Variants in LUZP1 observed in about 807,000 individuals in gnomAD.
LUZP1 encodes the protein leucine zipper protein 1.
A neutral mutation model predicts 71.3 loss-of-function variants in LUZP1; 25 were observed. The observed-to-expected ratio is 0.35, with a 90% CI of 0.26 to 0.49. LUZP1 has a LOEUF of 0.49. Ranked by LOEUF, LUZP1 falls within the 20% of genes least tolerant of loss-of-function variation. The pLI is 0.99. For missense variants in LUZP1, 1,142 were observed against 1,300.8 expected (o/e 0.88, Z 1.88); for synonymous variants, 481 against 506.4 (o/e 0.95, Z 0.67).
chr1:23,142,983 A>T (rs1053420768), intron 2 of LUZP1, among the ~76,000 whole-genome samples: 1 of 151,596 alleles, frequency 6.6e-6, no homozygotes, highest in Non-Finnish European at 1.5e-5. Flanking sequence ...AGCCTGGGCT[A>T]CATGGTAAGA....
chr1:23,096,563 A>G (rs1231557671), intron 3 of LUZP1, among the ~76,000 whole-genome samples: 2 of 152,198 alleles, frequency 1.3e-5, no homozygotes, highest in Non-Finnish European at 2.9e-5. Context: ...AATCCTCGTA[A>G]GGATACGGAA....
intron 2 of LUZP1, among the ~76,000 whole-genome samples, chr1:23,157,291 C>T (rs923637573): frequency 6.6e-6 from 1 of 152,192 alleles, no homozygotes; most frequent in African/African-American, 2.4e-5. Context: ...GTGATCATGC[C>T]ACTGGAGTCC....
intron 2 of LUZP1, among the ~76,000 whole-genome samples, chr1:23,118,132 T>C (rs2124659452): frequency 6.6e-6 from 1 of 151,790 alleles, no homozygotes; most frequent in East Asian, 2.0e-4. Context: ...ACAGTCATGG[T>C]GGCTTGCGCC....
intron 2 of LUZP1, among the ~76,000 whole-genome samples, chr1:23,142,788 T>C (rs2776820): frequency 0.013 from 1,890 of 148,256 alleles, 59 homozygotes; most frequent in African/African-American, 0.044. Flanking sequence ...CACCCCTAAC[T>C]CCCACATTGT....
At chr1:23,089,165 C>G in intron 4 of LUZP1, 112 bp from the exon 4 acceptor site, 2 of 927,152 alleles carry the variant, frequency 2.2e-6, no homozygotes, top group Non-Finnish European at 3.4e-6. Context: ...GCAGATATAG[C>G]CCAGACAGGC....
At chr1:23,097,315 C>G (rs540621448) in intron 3 of LUZP1, among the ~76,000 whole-genome samples, 2 of 152,098 alleles carry the variant, frequency 1.3e-5, no homozygotes, top group African/African-American at 4.8e-5. Context: ...TCAGCAGAAA[C>G]TTTTAAGTAG....
chr1:23,155,649 C>T (rs1343349611), intron 2 of LUZP1, among the ~76,000 whole-genome samples: 1 of 152,152 alleles, frequency 6.6e-6, no homozygotes, highest in Non-Finnish European at 1.5e-5. Context: ...TTCAAAATAT[C>T]TGAATTATAA....
chr1:23,174,351 T>A (rs1214301068), intron 1 of LUZP1, among the ~76,000 whole-genome samples: 2 of 152,150 alleles, frequency 1.3e-5, no homozygotes, highest in Non-Finnish European at 2.9e-5. Context: ...CCCTTGTTCT[T>A]TGGGCCCTCA....
At chr1:23,170,118 T>C (rs1162995128) in intron 1 of LUZP1, among the ~76,000 whole-genome samples, 2 of 152,200 alleles carry the variant, frequency 1.3e-5, no homozygotes, top group African/African-American at 4.8e-5. Flanking sequence ...CAATCCTCCC[T>C]GTTCTGAATA....
chr1:23,110,447 T>TACCTAAAG (rs1644018670), intron 2 of LUZP1, among the ~76,000 whole-genome samples: 1 of 152,106 alleles, frequency 6.6e-6, no homozygotes, highest in Non-Finnish European at 1.5e-5. Flanking sequence ...CCTAAAGCTT[T>TACCTAAAG]TGTACATGAT....
intron 2 of LUZP1, among the ~76,000 whole-genome samples, chr1:23,121,057 A>G (rs1644125837): frequency 6.6e-6 from 1 of 152,188 alleles, no homozygotes; most frequent in South Asian, 2.1e-4. Flanking sequence ...CAGCCCAGGG[A>G]GAAAAATCCC....
At chr1:23,106,364 G>C (rs1166025411) in intron 3 of LUZP1, among the ~76,000 whole-genome samples, 1 of 152,106 alleles carries the variant, frequency 6.6e-6, no homozygotes, top group Non-Finnish European at 1.5e-5. Flanking sequence ...GCGCACTTTG[G>C]GAGGCTGAGG....
At chr1:23,164,388 G>A (rs939753499) in intron 2 of LUZP1, among the ~76,000 whole-genome samples, 1 of 151,926 alleles carries the variant, frequency 6.6e-6, no homozygotes. Flanking sequence ...CCAGCTACTC[G>A]GGAGGCTGAG....
rs1395134228 is a variant in LUZP1 at position 23,093,168 on chromosome 1, A to G, written c.1094T>C (p.Leu365Pro). 6.2e-7 allele frequency: 1 copy of G among 1,614,034 alleles called. No homozygotes were observed. The highest frequency in any genetic ancestry group is 1.3e-5 in the African/African-American group (1 of 74,938). ...CCTCTCATGTCTGCCTTTGCTGGAC[A>G]GGAAAGCATCTTCCCCTTCTACCTC... The change falls in exon 4 of 5, where the codon CTG becomes CCG. Residue 365 changes from leucine to proline, a missense_variant. Transcript: ENST00000302291. The surrounding 1 kb of genome is among the most constrained non-coding windows in gnomAD (Gnocchi z 4.2).
exon 5 of LUZP1, chr1:23,085,316 T>C (rs962966194): frequency 2.0e-5 from 3 of 152,596 alleles, no homozygotes; most frequent in African/African-American, 7.2e-5. Flanking sequence ...TACAAAAAAA[T>C]AGACTTTATT....
chr1:23,159,201 C>A (rs1157325581), intron 2 of LUZP1, among the ~76,000 whole-genome samples: 1 of 151,096 alleles, frequency 6.6e-6, no homozygotes, highest in East Asian at 2.0e-4. Flanking sequence ...ATTAGCCAGG[C>A]GTGGTGGCGG....
exon 5 of LUZP1, chr1:23,084,482 T>C (rs1643728484): frequency 6.6e-6 from 1 of 152,138 alleles, no homozygotes; most frequent in African/African-American, 2.4e-5. Context: ...CTGGATCATC[T>C]AGGATGTTCT....
intron 2 of LUZP1, among the ~76,000 whole-genome samples, chr1:23,138,428 T>C (rs1438427766): frequency 6.6e-6 from 1 of 152,186 alleles, no homozygotes; most frequent in Non-Finnish European, 1.5e-5. Context: ...ATTCCATTTA[T>C]ACAAAATGTC....
intron 2 of LUZP1, among the ~76,000 whole-genome samples, chr1:23,160,038 G>A (rs1644452096): frequency 6.6e-6 from 1 of 152,116 alleles, no homozygotes; most frequent in Non-Finnish European, 1.5e-5. Flanking sequence ...GTAATATTCT[G>A]ATGTAGTTTC....
Sources: gnomAD v4.1 joint callset for allele counts (sites outside exome capture counted in the v4.1 genomes callset) on GRCh38, gnomAD v4.1.1 for gene constraint, Gnocchi (gnomAD v3.1) non-coding constraint, MANE v1.5 for transcripts, NCBI Gene and HGNC (gene_info 2026-07-23, HGNC 2026-07-21) for gene names.